CD96: variants seen among roughly 807,000 people sequenced by gnomAD.
CD96 encodes the protein T-cell surface protein tactile.
In CD96, 70 loss-of-function variants were observed where a neutral mutation model predicts 71.3. The ratio of observed to expected loss-of-function variants is 0.98; its 90% CI spans 0.81 to 1.20. CD96 has a LOEUF of 1.20. CD96 is among the 50% of genes most tolerant of loss of function. The probability of loss-of-function intolerance (pLI) is 0.00; values close to 1 mark genes in which losing one functional copy is unlikely to be tolerated. For missense variants in CD96, 742 were observed against 677.5 expected (o/e 1.10, Z -1.06); for synonymous variants, 248 against 233.0 (o/e 1.06, Z -0.59).
At chr3:111,603,091 G>A (rs1379445172) in intron 7 of CD96, among the ~76,000 whole-genome samples, 2 of 152,016 alleles carry the variant, frequency 1.3e-5, no homozygotes, top group Admixed American at 6.6e-5. Flanking sequence ...TTGTGCACTA[G>A]GACCTGCAGA....
intron 14 of CD96, among the ~76,000 whole-genome samples, chr3:111,660,360 C>A (rs1940326574): frequency 6.6e-6 from 1 of 152,134 alleles, no homozygotes; most frequent in African/African-American, 2.4e-5. Flanking sequence ...TGAAAGAAAT[C>A]AGAGATGACA....
At position 111,623,785 on chromosome 3, in the gene CD96, AG is replaced by A; in HGVS notation, c.1213del (p.Asp405MetfsTer2). The A allele has an allele frequency of 6.2e-7, 1 of 1,612,208 alleles. No homozygotes were observed. The highest frequency in any genetic ancestry group is 8.5e-7 in the Non-Finnish European group (1 of 1,178,240). ...YPATSSVTLV[D>X]VSALRPNTTP... ...CAGCTACATCTTCAGTGACCCTTGT[AG>A]ATGTGAGTGCCTTGAGGCCAAACAC... On this transcript the variant is annotated frameshift_variant, in exon 9 of 14. Transcript: ENST00000352690. LOFTEE classifies it high-confidence loss of function.
chr3:111,613,109 G>A (rs1938039400), intron 8 of CD96, among the ~76,000 whole-genome samples: 1 of 152,118 alleles, frequency 6.6e-6, no homozygotes, highest in Non-Finnish European at 1.5e-5. Context: ...TTCTACATCT[G>A]TCACCTGTAA....
intron 10 of CD96, among the ~76,000 whole-genome samples, chr3:111,626,161 C>G (rs191704868): frequency 6.6e-6 from 1 of 151,834 alleles, no homozygotes; most frequent in East Asian, 1.9e-4. Flanking sequence ...ATTAGCCAGG[C>G]GTGGTGGTGG....
chr3:111,644,108 A>G (rs1033414176), intron 12 of CD96, among the ~76,000 whole-genome samples: 7 of 152,344 alleles, frequency 4.6e-5, no homozygotes, highest in South Asian at 2.1e-4. Flanking sequence ...ATAGTCATCA[A>G]AACAGCATGC....
At chr3:111,563,240 T>A (rs1001828245) in intron 2 of CD96, among the ~76,000 whole-genome samples, 1 of 152,218 alleles carries the variant, frequency 6.6e-6, no homozygotes, top group Non-Finnish European at 1.5e-5. Context: ...ATTCAAATCA[T>A]AGCAGCCACT....
intron 8 of CD96, among the ~76,000 whole-genome samples, chr3:111,617,720 G>A (rs751627614): frequency 2.0e-5 from 3 of 152,166 alleles, no homozygotes; most frequent in African/African-American, 4.8e-5. Context: ...AGCATACCTC[G>A]TTCTTCTTGG....
intron 13 of CD96, 67 bp from the exon 14 acceptor site, chr3:111,649,631 T>C: frequency 1.1e-6 from 1 of 924,330 alleles, no homozygotes. Context: ...ACAACACATG[T>C]CTGTGTGTGT....
intron 5 of CD96, among the ~76,000 whole-genome samples, chr3:111,590,123 C>T (rs1259534497): frequency 6.6e-6 from 1 of 152,088 alleles, no homozygotes; most frequent in Non-Finnish European, 1.5e-5. Flanking sequence ...TTTTTTTTAA[C>T]CCAGAATACA....
Position 111,600,711 on chromosome 3 carries a change from G to A in CD96, c.899-15G>A, listed in dbSNP as rs764770560. 2.2e-5 allele frequency: 35 copies of A among 1,583,754 alleles called. No homozygotes were observed. The highest frequency in any genetic ancestry group is 1.1e-4 in the East Asian group (5 of 44,702). ...AAAATGTTAGTGTTGAACCATGTTC[G>A]TATCTGTCTGGCAGGAATATATATT... On this transcript the variant is annotated splice_polypyrimidine_tract_variant and intron_variant, in intron 6 of 13. Transcript: ENST00000352690.
Position 111,649,936 on chromosome 3 carries a change from T to C in CD96, c.*130T>C. The C allele has an allele frequency of 1.4e-6, 1 of 720,218 alleles. No individual in the cohort carries two copies. 44.6% of individuals were successfully genotyped at this position (720,218 alleles called of 1,614,324 possible). Reference sequence around the variant, plus strand: ...AGCTGAAATGGAAGTCAGAAGTGAGTGACCTGTTTTCCCAGCAACTCACCC... The same window carrying C: ...AGCTGAAATGGAAGTCAGAAGTGAGCGACCTGTTTTCCCAGCAACTCACCC... On this transcript the variant is annotated 3_prime_UTR_variant, in exon 14 of 14. Transcript: ENST00000352690.
At chr3:111,543,948 G>A (rs1214690571) in intron 1 of CD96, among the ~76,000 whole-genome samples, 1 of 152,172 alleles carries the variant, frequency 6.6e-6, no homozygotes, top group African/African-American at 2.4e-5. Flanking sequence ...CTTTGTCAGA[G>A]TCAGCAGCCA....
intron 13 of CD96, 145 bp downstream of exon 13, chr3:111,647,811 C>T (rs987873308): frequency 1.5e-4 from 102 of 668,774 alleles, no homozygotes; most frequent in Non-Finnish European, 2.4e-4. Flanking sequence ...GATTATATAG[C>T]TTTCCCAGCA....
chr3:111,641,680 C>T (rs1205484100), intron 12 of CD96, among the ~76,000 whole-genome samples: 1 of 152,176 alleles, frequency 6.6e-6, no homozygotes, highest in Admixed American at 6.5e-5. Flanking sequence ...TTTCATCCAA[C>T]AACTGCCGAA....
chr3:111,563,387 AGCT>A (rs2107534902), intron 2 of CD96, among the ~76,000 whole-genome samples: 1 of 152,340 alleles, frequency 6.6e-6, no homozygotes, highest in South Asian at 2.1e-4. Context: ...GTGGAAAAAA[AGCT>A]GCTGGTTTTT....
At chr3:111,664,641 C>A (rs1457940414) in intron 14 of CD96, among the ~76,000 whole-genome samples, 1 of 151,984 alleles carries the variant, frequency 6.6e-6, no homozygotes, top group East Asian at 1.9e-4. Flanking sequence ...TACATGTACC[C>A]CTGTATCTAA....
At chr3:111,571,001 C>G (rs902380539) in intron 3 of CD96, 1 of 1,463,182 alleles carries the variant, frequency 6.8e-7, no homozygotes, top group African/African-American at 1.4e-5. Flanking sequence ...GCATCTCCTG[C>G]TCCTCCAGCT....
intron 3 of CD96, among the ~76,000 whole-genome samples, chr3:111,574,930 T>C (rs1215272489): frequency 1.3e-5 from 2 of 150,418 alleles, no homozygotes; most frequent in Non-Finnish European, 3.0e-5. Flanking sequence ...ACCACAGGCA[T>C]GTGCCACCAT....
intron 1 of CD96, among the ~76,000 whole-genome samples, chr3:111,543,701 G>C (rs932420297): frequency 4.6e-5 from 7 of 152,298 alleles, no homozygotes; most frequent in Non-Finnish European, 1.0e-4. Flanking sequence ...ACAAGTTGCA[G>C]CTGTGAGCTT....
Sources: allele counts gnomAD v4.1 joint callset (sites outside exome capture counted in the v4.1 genomes callset), GRCh38; gene constraint gnomAD v4.1.1; transcripts MANE v1.5; gene names NCBI Gene and HGNC (gene_info 2026-07-23, HGNC 2026-07-21).